STK17B: variants seen among roughly 807,000 people sequenced by gnomAD.
The protein encoded by STK17B is serine/threonine kinase 17b.
STK17B carries 21 observed loss-of-function variants against 42.0 expected under a neutral mutation model. The observed-to-expected ratio is 0.50, with a 90% CI of 0.35 to 0.72. STK17B has a LOEUF of 0.72. STK17B is among the 30% of genes least tolerant of loss of function. STK17B has a pLI of 0.00. For missense variants in STK17B, 349 were observed against 446.0 expected (o/e 0.78, Z 1.96); for synonymous variants, 143 against 148.4 (o/e 0.96, Z 0.26).
rs1363017248 is a variant in STK17B at position 196,135,859 on chromosome 2, CT to C, written c.*1587del. 1.4e-5 allele frequency: 2 copies of C among 139,916 alleles called. No individual in the cohort carries two copies. Among genetic ancestry groups the C allele is most frequent in the African/African-American group, 5.0e-5 (2 of 40,070 alleles). The allele number at this position is 139,916 out of a possible 1,614,324, so 8.7% of individuals were successfully genotyped here. A position where few individuals can be genotyped will look rare whatever the true frequency, so the allele number is the denominator to read the frequency against. ...CACAGCAAAGAATCTTGAAAAGTGT[CT>C]AAAGAATGTATTGTATCTATCTATA... On this transcript the variant is annotated 3_prime_UTR_variant, in exon 8 of 8. Coordinates refer to ENST00000263955, the MANE Select transcript of STK17B (RefSeq NM_004226.4).
rs971451137 is a variant in STK17B, at chr2:196,135,497, C to G, written c.*1950G>C. On this transcript the variant is annotated 3_prime_UTR_variant, in exon 8 of 8. Coordinates refer to ENST00000263955, the MANE Select transcript of STK17B (RefSeq NM_004226.4). ...ATGTCATAAGAAAAGAGCTCCTGGG[C>G]GGGGGCGCAGTGGCTCACGCCTGTA... 1 of 151,952 alleles carries G rather than the reference C, an allele frequency of 6.6e-6. No individual in the cohort carries two copies. 9.4% of individuals were successfully genotyped at this position (151,952 alleles called of 1,614,324 possible).
chr2:196,146,863 T>C (rs1415824028), intron 3 of STK17B, among the ~76,000 whole-genome samples: 1 of 152,170 alleles, frequency 6.6e-6, no homozygotes, highest in Non-Finnish European at 1.5e-5. Flanking sequence ...TCTTAGCCAA[T>C]ACCATCTTGT....
At chr2:196,159,363 T>G (rs1223081980) in intron 2 of STK17B, among the ~76,000 whole-genome samples, 1 of 149,280 alleles carries the variant, frequency 6.7e-6, no homozygotes, top group Non-Finnish European at 1.5e-5. Flanking sequence ...CAGGATGGAG[T>G]GCAGTGGCAG....
chr2:196,153,075 ATGCC>A (rs1331385175), intron 3 of STK17B: 1 of 152,072 alleles, frequency 6.6e-6, no homozygotes, highest in Admixed American at 6.6e-5. Flanking sequence ...ATGAGCTACT[ATGCC>A]TGGCCACATT....
intron 3 of STK17B, among the ~76,000 whole-genome samples, chr2:196,150,915 A>G (rs910209799): frequency 6.6e-6 from 1 of 152,250 alleles, no homozygotes; most frequent in African/African-American, 2.4e-5. Flanking sequence ...ATGAGAATAC[A>G]GATAACGTGC....
chr2:196,156,375 AT>A, intron 3 of STK17B, 63 bp downstream of exon 3: 1 of 1,297,532 alleles, frequency 7.7e-7, no homozygotes, highest in Non-Finnish European at 1.1e-6. Context: ...TATCATTCTT[AT>A]TCTTGACATT....
chr2:196,138,439 T>C (rs1699440500), intron 7 of STK17B, among the ~76,000 whole-genome samples: 1 of 152,274 alleles, frequency 6.6e-6, no homozygotes, highest in Admixed American at 6.5e-5. Flanking sequence ...ATTATAAATA[T>C]GCTTCAATGA....
chr2:196,171,644 A>T (rs1699946491), upstream of STK17B: 1 of 151,784 alleles, frequency 6.6e-6, no homozygotes, highest in African/African-American at 2.4e-5. Flanking sequence ...CGGGAGAGCC[A>T]ATCGGAACGG....
intron 3 of STK17B, chr2:196,154,428 A>T (rs1219355704): frequency 6.6e-6 from 1 of 152,234 alleles, no homozygotes; most frequent in Non-Finnish European, 1.5e-5. Flanking sequence ...TGATACAATA[A>T]ATACACATCA....
In STK17B at chr2:196,163,438, A is replaced by C; in HGVS notation, c.-44-11T>G. The C allele has an allele frequency of 6.6e-7, 1 of 1,525,508 alleles. No individual in the cohort carries two copies. Among genetic ancestry groups the C allele is most frequent in the Non-Finnish European group, 8.7e-7 (1 of 1,144,058 alleles). The allele number at this position is 1,525,508 out of a possible 1,614,324, so 94.5% of individuals were successfully genotyped here. A position where few individuals can be genotyped will look rare whatever the true frequency, so the allele number is the denominator to read the frequency against. ...GTCACTTATTTTTACCTATGCAAAA[A>C]AAGAGAATACAGAGAAAAGATGTTA... On this transcript the variant is annotated splice_polypyrimidine_tract_variant and intron_variant, in intron 1 of 7. Transcript: ENST00000263955.
At position 196,134,430 on chromosome 2, in the gene STK17B, G is replaced by A. The variant is rs1699367224; in HGVS notation, c.*3017C>T. On this transcript the variant is annotated 3_prime_UTR_variant, in exon 8 of 8. Coordinates refer to ENST00000263955, the MANE Select transcript of STK17B (RefSeq NM_004226.4). ...GTGAACCACACGTGCAAGAGATCTA[G>A]GTTGCATGCTCCTTATGAGAATCTA... The A allele has an allele frequency of 6.6e-6, 1 of 152,170 alleles. No homozygotes were observed. Among genetic ancestry groups the A allele is most frequent in the South Asian group, 2.1e-4 (1 of 4,832 alleles). 9.4% of individuals were successfully genotyped at this position (152,170 alleles called of 1,614,324 possible). A position where few individuals can be genotyped will look rare whatever the true frequency, so the allele number is the denominator to read the frequency against.
chr2:196,146,098 C>T (rs759714751), intron 3 of STK17B, 43 bp from the exon 4 acceptor site: 1 of 1,528,794 alleles, frequency 6.5e-7, no homozygotes, highest in Non-Finnish European at 8.7e-7. Context: ...AATTCATTCA[C>T]CTAAACACTT....
chr2:196,161,103 A>C (rs897264228), intron 2 of STK17B, among the ~76,000 whole-genome samples: 1 of 152,184 alleles, frequency 6.6e-6, no homozygotes, highest in African/African-American at 2.4e-5. Context: ...GACTTGCATA[A>C]TATTCATTTC....
intron 2 of STK17B, among the ~76,000 whole-genome samples, chr2:196,161,076 TTGTGTG>T (rs1395645895): frequency 6.6e-6 from 1 of 152,186 alleles, no homozygotes; most frequent in African/African-American, 2.4e-5. Context: ...GTGACTTTTA[TTGTGTG>T]TACTGTTCAA....
rs150583369 is a variant in STK17B, at chr2:196,145,166, GTT to G, written c.480+743_480+744del. Among the ~76,000 whole-genome samples the G allele has an allele frequency of 0.019, 2,943 of 151,384 alleles. 250 individuals carry two copies. In the East Asian group the frequency reaches 0.27, roughly 14 times the overall value. The stretch of plus-strand genomic sequence containing the variant: ...GTGGGGCCCAAAACAGAACTACAGG[GTT>G]TTTTCTTTTGAAAAAGCGGTAAGAG... On this transcript the variant is annotated intron_variant, in intron 4 of 7. Transcript: ENST00000263955.
At chr2:196,163,236 G>A (rs1699835412) in intron 2 of STK17B, 26 bp downstream of exon 2, 3 of 1,605,242 alleles carry the variant, frequency 1.9e-6, no homozygotes, top group Non-Finnish European at 2.5e-6. Flanking sequence ...AATTTAGATG[G>A]CATACACGTC....
At position 196,133,623 on chromosome 2, in the gene STK17B, T is replaced by C. The variant is rs751331358; in HGVS notation, c.*3824A>G. The C allele has an allele frequency of 6.6e-6, 1 of 152,250 alleles. No individual in the cohort carries two copies. Among genetic ancestry groups the C allele is most frequent in the Non-Finnish European group, 1.5e-5 (1 of 68,040 alleles). 9.4% of individuals were successfully genotyped at this position (152,250 alleles called of 1,614,324 possible). On this transcript the variant is annotated 3_prime_UTR_variant, in exon 8 of 8. Transcript: ENST00000263955. ...GTTTATTAGACACAAAGAGGGTTCA[T>C]AGATGACCTAGGTCAAAGGCTAGAA...
At chr2:196,158,990 G>C (rs1699775766) in intron 2 of STK17B, among the ~76,000 whole-genome samples, 2 of 141,000 alleles carry the variant, frequency 1.4e-5, no homozygotes, top group South Asian at 2.2e-4. Context: ...CAGCCTGGGG[G>C]ACAGAGCAAG....
intron 1 of STK17B, among the ~76,000 whole-genome samples, chr2:196,170,203 T>C (rs1699922262): frequency 6.6e-6 from 1 of 152,220 alleles, no homozygotes; most frequent in Admixed American, 6.5e-5. Context: ...TTTAATAAAA[T>C]TGTGCTCCTG....
Sources: allele counts gnomAD v4.1 joint callset (sites outside exome capture counted in the v4.1 genomes callset), GRCh38; gene constraint gnomAD v4.1.1; transcripts MANE v1.5; gene names NCBI Gene and HGNC (gene_info 2026-07-23, HGNC 2026-07-21).